Variants in PIWIL2 observed in about 807,000 individuals in gnomAD.
PIWIL2 encodes piwi like RNA-mediated gene silencing 2, also known as piwi-like protein 2.
A neutral mutation model predicts 116.5 loss-of-function variants in PIWIL2; 81 were observed. That is an observed-to-expected ratio of 0.70 (90% CI 0.58 to 0.84). The LOEUF (loss-of-function observed/expected upper bound fraction) is 0.84, where lower values mean the gene tolerates loss of function less well. Among genes scored for constraint, PIWIL2 ranks in the 40% least tolerant of loss-of-function variants. The pLI, the probability that PIWIL2 is intolerant of heterozygous loss-of-function variation, is 0.00. For missense variants in PIWIL2, 1,272 were observed against 1,212.3 expected (o/e 1.05, Z -0.73); for synonymous variants, 489 against 429.5 (o/e 1.14, Z -1.71).
chr8:22,332,139 T>C (rs961010976), intron 20 of PIWIL2, among the ~76,000 whole-genome samples: 1 of 152,016 alleles, frequency 6.6e-6, no homozygotes, highest in Admixed American at 6.6e-5. Flanking sequence ...ACCCCATCTC[T>C]ACTAAAAATA....
intron 6 of PIWIL2, among the ~76,000 whole-genome samples, chr8:22,287,139 G>A: frequency 6.6e-6 from 1 of 152,058 alleles, no homozygotes; most frequent in East Asian, 1.9e-4. Flanking sequence ...AGTGACAAAT[G>A]TTAAGGAAAC....
chr8:22,285,519 A>G (rs1396802081), intron 6 of PIWIL2, among the ~76,000 whole-genome samples: 1 of 152,214 alleles, frequency 6.6e-6, no homozygotes, highest in Non-Finnish European at 1.5e-5. Context: ...TGCAGTGAAC[A>G]TGGGAGTGCA....
In PIWIL2 at chr8:22,310,018, A is replaced by C; in HGVS notation, c.1744A>C (p.Thr582Pro). 1.2e-6 allele frequency: 2 copies of C among 1,612,294 alleles called. No homozygotes were observed. Among genetic ancestry groups the C allele is most frequent in the Non-Finnish European group, 1.7e-6 (2 of 1,178,312 alleles). The change falls in exon 15 of 23, where the codon ACA becomes CCA. Residue 582 changes from threonine (T) to proline (P), a missense_variant. Coordinates refer to ENST00000356766, the MANE Select transcript of PIWIL2 (RefSeq NM_018068.5). Reference protein sequence around the residue: ...RINLKNTSFITSQELNWVKEV... With the variant: ...RINLKNTSFIPSQELNWVKEV... ...TAACTTAAAAAATACTTCGTTTATC[A>C]CATCTCAGGAACTAAACTGGGTTAA...
In PIWIL2 at chr8:22,283,172, A is replaced by G. The variant is rs140270682; in HGVS notation, c.564A>G (p.Pro188=). ...SRGPPQLSSP[P]ALPQSPLHSP... is the part of the protein sequence containing the mutation. The stretch of plus-strand genomic sequence containing the variant: ...GTCCCCCGCAGCTGTCATCACCACC[A>G]GCTCTGCCCCAGTCTCCCCTGCACT... The change falls in exon 5 of 23, where the codon CCA becomes CCG. Residue 188 remains proline (P), a synonymous_variant. Coordinates refer to ENST00000356766, the MANE Select transcript of PIWIL2 (RefSeq NM_018068.5). 8.9e-5 allele frequency: 144 copies of G among 1,614,158 alleles called. 1 individual carries two copies. The highest frequency in any genetic ancestry group is 5.0e-4 in the Middle Eastern group (3 of 6,060).
chr8:22,282,174 A>AGGTTCAAG, intron 4 of PIWIL2, among the ~76,000 whole-genome samples: 1 of 137,008 alleles, frequency 7.3e-6, no homozygotes, highest in Non-Finnish European at 1.5e-5. Flanking sequence ...TCCACCTCCC[A>AGGTTCAAG]GGTTCAAGCG....
At chr8:22,303,561 A>AT (rs1275379147) in intron 10 of PIWIL2, among the ~76,000 whole-genome samples, 1 of 151,862 alleles carries the variant, frequency 6.6e-6, no homozygotes, top group African/African-American at 2.4e-5. Context: ...CACCTGGCTA[A>AT]TTTTTTAAGT....
chr8:22,318,236 G>A lies in PIWIL2; in HGVS notation c.2364G>A (p.Leu788=), dbSNP rs749904976. 1 of 1,613,014 alleles carries A rather than the reference G, an allele frequency of 6.2e-7. No homozygotes were observed. Among genetic ancestry groups the A allele is most frequent in the Non-Finnish European group, 8.5e-7 (1 of 1,179,028 alleles). Residue 788 remains leucine (L), a synonymous_variant, in exon 20 of 23, where the codon CTG becomes CTA. Transcript: ENST00000356766. ...CGCATCAGGAGATTGTGGACAGCCT[G>A]AAGCTATGCCTCGTGGGCTCCTTAA... ...QMPHQEIVDS[L]KLCLVGSLKK... is the part of the protein sequence containing the mutation.
chr8:22,286,617 A>C (rs1195913256), intron 6 of PIWIL2, among the ~76,000 whole-genome samples: 1 of 151,886 alleles, frequency 6.6e-6, no homozygotes, highest in Non-Finnish European at 1.5e-5. Context: ...AACAACAAAA[A>C]ATTTTATTTA....
intron 20 of PIWIL2, among the ~76,000 whole-genome samples, chr8:22,351,432 C>CATATATAT (rs1832350268): frequency 2.1e-5 from 1 of 46,582 alleles, no homozygotes; most frequent in African/African-American, 8.0e-5. Flanking sequence ...AGGAACAGTG[C>CATATATAT]ATACATACAT....
At chr8:22,309,153 G>T (rs1183685098) in intron 14 of PIWIL2, among the ~76,000 whole-genome samples, 2 of 151,368 alleles carry the variant, frequency 1.3e-5, no homozygotes, top group Non-Finnish European at 2.9e-5. Context: ...GTAGAGACGG[G>T]GTTTCACCAT....
intron 14 of PIWIL2, among the ~76,000 whole-genome samples, chr8:22,308,581 A>G (rs1051379450): frequency 2.0e-5 from 3 of 152,088 alleles, no homozygotes; most frequent in Non-Finnish European, 4.4e-5. Flanking sequence ...TGAACCCGGG[A>G]GGTGGAGGTT....
chr8:22,301,394 G>A (rs1275823405), intron 10 of PIWIL2, among the ~76,000 whole-genome samples: 1 of 151,924 alleles, frequency 6.6e-6, no homozygotes, highest in African/African-American at 2.4e-5. Context: ...TGCCTCCTGG[G>A]CTGATTCTCA....
At chr8:22,296,607 A>T (rs773583215) in intron 10 of PIWIL2, among the ~76,000 whole-genome samples, 2 of 152,082 alleles carry the variant, frequency 1.3e-5, no homozygotes, top group South Asian at 2.1e-4. Flanking sequence ...TGAAGGCACT[A>T]CTCCATCGTC....
chr8:22,353,763 A>C (rs1334431241), intron 21 of PIWIL2, among the ~76,000 whole-genome samples: 15 of 61,554 alleles, frequency 2.4e-4, no homozygotes, highest in South Asian at 8.7e-4. Flanking sequence ...AGTTTCTACC[A>C]CTTTTTTTTT....
intron 20 of PIWIL2, among the ~76,000 whole-genome samples, chr8:22,351,965 T>G (rs1156826689): frequency 1.3e-5 from 2 of 151,488 alleles, no homozygotes; most frequent in African/African-American, 2.4e-5. Context: ...GAAGTGAACT[T>G]ACCCTCTTGA....
intron 16 of PIWIL2, among the ~76,000 whole-genome samples, chr8:22,313,211 A>G (rs1831375015): frequency 6.6e-6 from 1 of 152,126 alleles, no homozygotes; most frequent in African/African-American, 2.4e-5. Context: ...AAGGCATTCC[A>G]TTATCATCTC....
intron 20 of PIWIL2, among the ~76,000 whole-genome samples, chr8:22,322,907 C>A (rs535934329): frequency 6.6e-6 from 1 of 152,244 alleles, no homozygotes; most frequent in Admixed American, 6.5e-5. Flanking sequence ...CAGACACCTT[C>A]CCCAGGCCAG....
intron 20 of PIWIL2, among the ~76,000 whole-genome samples, chr8:22,318,709 A>T (rs755710061): frequency 6.6e-6 from 1 of 152,230 alleles, no homozygotes; most frequent in Non-Finnish European, 1.5e-5. Flanking sequence ...TGAGTCTCCT[A>T]AACAGCTGCT....
Position 22,331,908 on chromosome 8 carries a change from A to C in PIWIL2, c.2403+13633A>C, listed in dbSNP as rs182985505. Among the ~76,000 whole-genome samples, 131 of 152,226 alleles carry C rather than the reference A, an allele frequency of 8.6e-4. 2 individuals carry two copies. Among genetic ancestry groups the C allele is most frequent in the African/African-American group, 3.0e-3 (125 of 41,496 alleles). Reference sequence around the variant, plus strand: ...GTAAAAAACAGTCACATTCTGAGGTACTGGGGGTTAGGACTTCAACATATG... The same window carrying C: ...GTAAAAAACAGTCACATTCTGAGGTCCTGGGGGTTAGGACTTCAACATATG... On this transcript the variant is annotated intron_variant, in intron 20 of 22. Transcript: ENST00000356766.
Sources: allele counts gnomAD v4.1 joint callset (sites outside exome capture counted in the v4.1 genomes callset), GRCh38; gene constraint gnomAD v4.1.1; transcripts MANE v1.5; gene names NCBI Gene and HGNC (gene_info 2026-07-23, HGNC 2026-07-21).